The following STS variants were observed in gnomAD, a reference collection of about 807,000 sequenced individuals.
STS encodes steryl-sulfatase.
In STS, 7 loss-of-function variants were observed where a neutral mutation model predicts 26.8. The observed-to-expected ratio is 0.26, with a 90% confidence interval of 0.15 to 0.49. The LOEUF is 0.49. Ranked by LOEUF, STS falls within the 20% of genes least tolerant of loss-of-function variation. STS has a pLI of 0.98. For missense variants in STS, 434 were observed against 465.6 expected (o/e 0.93, Z 0.63); for synonymous variants, 199 against 189.4 (o/e 1.05, Z -0.42).
chrX:7,253,758 C>T (rs1237086003), intron 3 of STS, among the ~76,000 whole-genome samples: 2 of 112,001 alleles, frequency 1.8e-5, no homozygotes, highest in Non-Finnish European at 3.8e-5. Context: ...TCACTCATGC[C>T]CAACTCTCCC....
Position 7,213,320 on chromosome X carries a change from A to C in STS, c.-5+22312A>C, listed in dbSNP as rs192380885. ...ATTTTAACAAAGAGCCATAAATCCT[A>C]TGTACTGACAAGACACAGAGGAGAA... On this transcript the variant is annotated intron_variant, in intron 2 of 10. Transcript: ENST00000674429. Among the ~76,000 whole-genome samples, 872 of 112,254 alleles carry C rather than the reference A, an allele frequency of 7.8e-3. 9 individuals are homozygous for C. The highest frequency in any genetic ancestry group is 0.013 in the Non-Finnish European group (694 of 53,262).
intron 6 of STS, among the ~76,000 whole-genome samples, chrX:7,265,062 A>G (rs1279759364): frequency 1.9e-5 from 2 of 105,367 alleles, no homozygotes; most frequent in Non-Finnish European, 3.9e-5. Context: ...TTTTGGAACT[A>G]ATTAATTTCA....
intron 2 of STS, among the ~76,000 whole-genome samples, chrX:7,230,183 G>C (rs1323772939): frequency 1.8e-5 from 2 of 111,249 alleles, no homozygotes; most frequent in Non-Finnish European, 3.8e-5. Flanking sequence ...CCACCACCAG[G>C]TCCATCCTCA....
At chrX:7,336,239 G>GCCCCCCCCCCCCC (rs778077403) in intron 10 of STS, among the ~76,000 whole-genome samples, 4 of 88,763 alleles carry the variant, frequency 4.5e-5, no homozygotes, top group African/African-American at 1.7e-4. Context: ...ACCTAGGACT[G>GCCCCCCCCCCCCC]CCCCCCCCAC....
intron 1 of STS, among the ~76,000 whole-genome samples, chrX:7,182,641 G>GGAAT (rs1933703302): frequency 9.0e-6 from 1 of 110,970 alleles, no homozygotes; most frequent in African/African-American, 3.3e-5. Flanking sequence ...GCTGCTTTGA[G>GGAAT]GAATGATAGA....
intron 2 of STS, among the ~76,000 whole-genome samples, chrX:7,235,012 G>T (rs1490307035): frequency 8.9e-6 from 1 of 111,803 alleles, no homozygotes; most frequent in African/African-American, 3.3e-5. Flanking sequence ...TGCCAGAGAG[G>T]AATGTTTTCA....
intron 1 of STS, among the ~76,000 whole-genome samples, chrX:7,185,853 G>A (rs918963730): frequency 8.9e-6 from 1 of 112,230 alleles, no homozygotes; most frequent in East Asian, 2.8e-4. Flanking sequence ...CCATCATTGT[G>A]GATGTTGGCT....
Position 7,351,725 on chromosome X carries a change from C to T in STS, c.*1464C>T, listed in dbSNP as rs1928805203. The T allele has an allele frequency of 9.0e-6, 1 of 110,715 alleles. No homozygotes were observed. Among genetic ancestry groups the T allele is most frequent in the Non-Finnish European group, 1.9e-5 (1 of 52,994 alleles). 9.1% of individuals were successfully genotyped at this position (110,715 alleles called of 1,213,427 possible). A position where few individuals can be genotyped will look rare whatever the true frequency, so the allele number is the denominator to read the frequency against. On this transcript the variant is annotated 3_prime_UTR_variant, in exon 11 of 11. Coordinates refer to ENST00000674429, the MANE Select transcript of STS (RefSeq NM_001320752.2). ...TCCAAGACAGTGCCCATGAATGGGA[C>T]ACCTGTAATGTAACCCACACAGCGG...
rs1168603233 is a variant in STS at position 7,352,858 on chromosome X, A to G, written c.*2597A>G. 1 of 111,063 alleles carries G rather than the reference A, an allele frequency of 9.0e-6. No homozygotes were observed. The allele number at this position is 111,063 out of a possible 1,213,427, so 9.2% of individuals were successfully genotyped here. On this transcript the variant is annotated 3_prime_UTR_variant, in exon 11 of 11. Transcript: ENST00000674429. Reference sequence around the variant, plus strand: ...AAGCAAAATTGCAATCTACGTATCTATGGTACTAAGGAAGTCCTGTTTTTC... The same window carrying G: ...AAGCAAAATTGCAATCTACGTATCTGTGGTACTAAGGAAGTCCTGTTTTTC...
At chrX:7,319,990 A>T (rs1926903753) in intron 8 of STS, among the ~76,000 whole-genome samples, 2 of 88,226 alleles carry the variant, frequency 2.3e-5, no homozygotes, top group African/African-American at 4.9e-5. Flanking sequence ...ATATATATTT[A>T]TATATATATT....
At chrX:7,274,673 T>G (rs1162066119) in intron 6 of STS, among the ~76,000 whole-genome samples, 2 of 112,114 alleles carry the variant, frequency 1.8e-5, no homozygotes. Context: ...GACTTATAAC[T>G]CTTGAGTATC....
At chrX:7,307,497 A>G (rs765520150) in intron 8 of STS, among the ~76,000 whole-genome samples, 8 of 110,949 alleles carry the variant, frequency 7.2e-5, no homozygotes, top group Admixed American at 4.8e-4. Flanking sequence ...CACTTCCCCA[A>G]TGGTTTGCAA....
chrX:7,267,768 G>T (rs974807464), intron 6 of STS, among the ~76,000 whole-genome samples: 1 of 111,441 alleles, frequency 9.0e-6, no homozygotes, highest in Non-Finnish European at 1.9e-5. Flanking sequence ...ATTAGTATAA[G>T]GTTCTCCAGG....
intron 9 of STS, 53 bp downstream of exon 9, chrX:7,325,551 G>C (rs188526519): frequency 4.2e-6 from 5 of 1,184,046 alleles, no homozygotes; most frequent in African/African-American, 3.5e-5. Flanking sequence ...TCACAGCCCA[G>C]TATGCTCTGG....
At chrX:7,268,896 C>T (rs1265392262) in intron 6 of STS, among the ~76,000 whole-genome samples, 1 of 109,623 alleles carries the variant, frequency 9.1e-6, no homozygotes, top group Non-Finnish European at 1.9e-5. Flanking sequence ...TGCCTGTAGT[C>T]CCAGCTACTT....
intron 2 of STS, among the ~76,000 whole-genome samples, chrX:7,214,549 T>C (rs1196781421): frequency 8.9e-6 from 1 of 111,852 alleles, no homozygotes; most frequent in Non-Finnish European, 1.9e-5. Flanking sequence ...TTTTTATTTA[T>C]GCTTTTATTT....
At chrX:7,325,590 G>T in intron 9 of STS, 92 bp downstream of exon 9, 1 of 1,044,133 alleles carries the variant, frequency 9.6e-7, no homozygotes, top group Non-Finnish European at 1.3e-6. Context: ...TGGGGACCAA[G>T]GCCTTTGGCC....
chrX:7,207,098 G>T (rs1326157422), intron 2 of STS, among the ~76,000 whole-genome samples: 3 of 111,510 alleles, frequency 2.7e-5, no homozygotes, highest in Admixed American at 9.5e-5. Context: ...GCTGAGGTGG[G>T]AGGATCCCTC....
intron 8 of STS, among the ~76,000 whole-genome samples, chrX:7,323,684 A>G (rs1391080282): frequency 1.8e-5 from 2 of 112,103 alleles, no homozygotes; most frequent in African/African-American, 6.5e-5. Context: ...ATGAACATAC[A>G]GGTAAAGGTA....
Sources: allele counts gnomAD v4.1 joint callset (sites outside exome capture counted in the v4.1 genomes callset), GRCh38; gene constraint gnomAD v4.1.1; transcripts MANE v1.5; gene names NCBI Gene and HGNC (gene_info 2026-07-23, HGNC 2026-07-21).